The following PRRG1 variants were observed in gnomAD, a reference collection of about 807,000 sequenced individuals.
PRRG1 encodes proline rich and Gla domain 1, also known as transmembrane gamma-carboxyglutamic acid protein 1.
In PRRG1, 5 loss-of-function variants were observed where a neutral mutation model predicts 11.8. The ratio of observed to expected loss-of-function variants is 0.42; its 90% CI spans 0.22 to 0.89. The LOEUF (loss-of-function observed/expected upper bound fraction) is 0.89, where lower values mean the gene tolerates loss of function less well. Ranked by LOEUF, PRRG1 falls within the 40% of genes least tolerant of loss-of-function variation. The pLI is 0.28. For missense variants in PRRG1, 155 were observed against 166.1 expected, an observed-to-expected ratio of 0.93 and a Z score of 0.37; for synonymous variants, 66 against 60.4, an observed-to-expected ratio of 1.09 and a Z score of -0.43.
Position 37,388,198 on chromosome X carries a change from T to A in PRRG1, c.-41-18011T>A, listed in dbSNP as rs181137420. On this transcript the variant is annotated intron_variant, in intron 1 of 3. Transcript: ENST00000378628. ...CCTTGGCTGCTTTCAAGGGCTGATG[T>A]TGAGCACCTTCTGCTTTTCCAGGCT... Among the ~76,000 whole-genome samples the A allele has an allele frequency of 4.5e-5, 5 of 112,262 alleles. No homozygotes were observed. In the East Asian group the frequency reaches 8.5e-4, roughly 19 times the overall value.
intron 3 of PRRG1, among the ~76,000 whole-genome samples, chrX:37,435,478 A>G (rs1183430106): frequency 2.7e-5 from 3 of 110,714 alleles, no homozygotes; most frequent in Admixed American, 9.7e-5. Flanking sequence ...TTCAAAGAAC[A>G]GAGTATGGGA....
At chrX:37,376,926 G>T (rs1314221592) in intron 1 of PRRG1, among the ~76,000 whole-genome samples, 2 of 109,555 alleles carry the variant, frequency 1.8e-5, no homozygotes, top group Non-Finnish European at 3.8e-5. Context: ...ACTTTTTTGA[G>T]CCAAATGCTC....
chrX:37,363,668 G>T (rs1259488706), intron 1 of PRRG1, among the ~76,000 whole-genome samples: 2 of 112,213 alleles, frequency 1.8e-5, no homozygotes, highest in East Asian at 5.6e-4. Flanking sequence ...CAGTTTAAAT[G>T]GATGTTTTTT....
intron 3 of PRRG1, among the ~76,000 whole-genome samples, chrX:37,443,312 C>T (rs1193260040): frequency 9.0e-6 from 1 of 111,363 alleles, no homozygotes; most frequent in East Asian, 2.8e-4. Flanking sequence ...GTGGGGACAC[C>T]TAGGGTAGAG....
chrX:37,360,313 T>A (rs115247725), intron 1 of PRRG1, among the ~76,000 whole-genome samples: 5,383 of 112,161 alleles, frequency 0.048, 309 homozygotes, highest in African/African-American at 0.16. Context: ...AGCACTACTT[T>A]TGCTGCATCC....
At chrX:37,416,773 G>A in intron 2 of PRRG1, among the ~76,000 whole-genome samples, 1 of 112,237 alleles carries the variant, frequency 8.9e-6, no homozygotes, top group Admixed American at 9.4e-5. Context: ...TAATTTGATT[G>A]GTGTAATCTG....
chrX:37,352,786 TTA>T (rs1556365121), intron 1 of PRRG1, among the ~76,000 whole-genome samples: 35 of 111,633 alleles, frequency 3.1e-4, no homozygotes, highest in Non-Finnish European at 6.2e-4. Context: ...TACCTGATAA[TTA>T]AGATCAGGTA....
chrX:37,415,048 T>C (rs1477805842), intron 2 of PRRG1, among the ~76,000 whole-genome samples: 1 of 112,423 alleles, frequency 8.9e-6, no homozygotes, highest in African/African-American at 3.2e-5. Flanking sequence ...GCAGTATGCA[T>C]AGGGAACCCT....
chrX:37,370,020 A>G (rs1930716207), intron 1 of PRRG1, among the ~76,000 whole-genome samples: 1 of 111,181 alleles, frequency 9.0e-6, no homozygotes, highest in African/African-American at 3.3e-5. Context: ...GAACAAACTA[A>G]TACACCACCA....
At chrX:37,386,616 G>C (rs782388241) in intron 1 of PRRG1, 1 of 111,739 alleles carries the variant, frequency 8.9e-6, no homozygotes, top group African/African-American at 3.3e-5. Context: ...ACCCCATTTA[G>C]AGAAAGAAAT....
intron 2 of PRRG1, among the ~76,000 whole-genome samples, chrX:37,419,773 TAGTC>T (rs782559233): frequency 7.2e-5 from 8 of 111,575 alleles, no homozygotes; most frequent in African/African-American, 2.3e-4. Flanking sequence ...TGTAATCAAT[TAGTC>T]AGGTGCAATC....
intron 2 of PRRG1, among the ~76,000 whole-genome samples, chrX:37,417,284 T>C (rs929808483): frequency 7.2e-5 from 8 of 110,805 alleles, no homozygotes; most frequent in Non-Finnish European, 1.5e-4. Flanking sequence ...CTCTTAGACT[T>C]CCCACTCCCA....
chrX:37,381,697 A>G (rs782201895), intron 1 of PRRG1, among the ~76,000 whole-genome samples: 3 of 110,577 alleles, frequency 2.7e-5, no homozygotes, highest in Non-Finnish European at 3.8e-5. Flanking sequence ...TTATTACATG[A>G]TTTTGTGTAA....
chrX:37,351,904 A>G (rs189899404), intron 1 of PRRG1, among the ~76,000 whole-genome samples: 77 of 112,702 alleles, frequency 6.8e-4, no homozygotes, highest in African/African-American at 2.4e-3. Flanking sequence ...TAATCTAACC[A>G]GTTGTATTAT....
At chrX:37,397,150 A>G (rs781831106) in intron 1 of PRRG1, among the ~76,000 whole-genome samples, 2 of 112,811 alleles carry the variant, frequency 1.8e-5, no homozygotes, top group East Asian at 5.5e-4. Flanking sequence ...AAAAATTTCT[A>G]TAACTTTAAT....
At chrX:37,381,702 G>T (rs1248645256) in intron 1 of PRRG1, among the ~76,000 whole-genome samples, 1 of 110,570 alleles carries the variant, frequency 9.0e-6, no homozygotes, top group Admixed American at 9.6e-5. Flanking sequence ...ACATGATTTT[G>T]TGTAAATCAT....
chrX:37,441,529 A>G, intron 3 of PRRG1: 10 of 758,915 alleles, frequency 1.3e-5, no homozygotes, highest in Non-Finnish European at 1.6e-5. Context: ...TGCCATGGCC[A>G]CCACCCCAGT....
At chrX:37,430,751 A>T (rs1041019014) in intron 3 of PRRG1, among the ~76,000 whole-genome samples, 2 of 111,626 alleles carry the variant, frequency 1.8e-5, no homozygotes, top group Admixed American at 1.9e-4. Context: ...TAAGATCAAA[A>T]CTAGGAAACT....
chrX:37,371,142 G>C (rs1216296049), intron 1 of PRRG1, among the ~76,000 whole-genome samples: 1 of 111,737 alleles, frequency 8.9e-6, no homozygotes, highest in African/African-American at 3.3e-5. Flanking sequence ...TCATGGACTA[G>C]TTAGTCAGCA....
Sources: allele counts gnomAD v4.1 joint callset (sites outside exome capture counted in the v4.1 genomes callset), GRCh38; gene constraint gnomAD v4.1.1; transcripts MANE v1.5; gene names NCBI Gene and HGNC (gene_info 2026-07-23, HGNC 2026-07-21).